The following CNOT6L variants were observed in gnomAD, a reference collection of about 807,000 sequenced individuals.
The protein encoded by CNOT6L is CCR4-NOT transcription complex subunit 6 like, also known as CCR4-NOT transcription complex subunit 6-like.
A neutral mutation model predicts 64.0 loss-of-function variants in CNOT6L; 7 were observed. The observed-to-expected ratio is 0.11, with a 90% CI of 0.06 to 0.21. The LOEUF (loss-of-function observed/expected upper bound fraction) is 0.21, where lower values mean the gene tolerates loss of function less well. Among genes scored for constraint, CNOT6L ranks in the 10% least tolerant of loss-of-function variants. The pLI is 1.00. For missense variants in CNOT6L, 245 were observed against 669.0 expected (o/e 0.37, Z 6.99); for synonymous variants, 193 against 243.4 (o/e 0.79, Z 1.93).
intron 7 of CNOT6L, among the ~76,000 whole-genome samples, chr4:77,744,304 T>G (rs1004651553): frequency 3.9e-5 from 6 of 151,944 alleles, no homozygotes; most frequent in African/African-American, 1.4e-4. Context: ...TAGTACAATA[T>G]ATTAAAATAT....
chr4:77,796,274 T>G (rs1730839045), intron 1 of CNOT6L, among the ~76,000 whole-genome samples: 1 of 152,164 alleles, frequency 6.6e-6, no homozygotes, highest in Non-Finnish European at 1.5e-5. Context: ...ATTGGAGGAT[T>G]TACACTATTG....
chr4:77,778,053 G>A (rs1488344687), intron 1 of CNOT6L, among the ~76,000 whole-genome samples: 1 of 152,116 alleles, frequency 6.6e-6, no homozygotes. Flanking sequence ...ATGCTAAACC[G>A]TATTTTATTT....
chr4:77,795,527 G>A (rs1335420494), intron 1 of CNOT6L, among the ~76,000 whole-genome samples: 1 of 152,120 alleles, frequency 6.6e-6, no homozygotes, highest in Non-Finnish European at 1.5e-5. Flanking sequence ...TCATGACAGA[G>A]TTCTTAAGAC....
At position 77,778,553 on chromosome 4, in the gene CNOT6L, G is replaced by A. The variant is rs553526698; in HGVS notation, c.6-2161C>T. ...CCTGAGTAGCTGAGGTTACGGGCGC[G>A]TGTCACCACGCCTGGCTAATGTTTG... is the stretch of plus-strand genomic sequence containing the variant. On this transcript the variant is annotated intron_variant, in intron 1 of 11. Transcript: ENST00000504123. Among the ~76,000 whole-genome samples the A allele has an allele frequency of 2.9e-4, 44 of 152,062 alleles. No individual in the cohort carries two copies. The South Asian group carries it at 2.9e-3, about 10-fold the overall frequency.
intron 1 of CNOT6L, 67 bp downstream of exon 1, chr4:77,819,237 T>C (rs372837916): frequency 1.3e-5 from 21 of 1,612,194 alleles, no homozygotes; most frequent in East Asian, 2.2e-5. Flanking sequence ...TCCCACCTCA[T>C]TTCCCCGGGG....
At chr4:77,774,819 G>T (rs184726564) in intron 2 of CNOT6L, 103 bp from the exon 3 acceptor site, 22 of 628,278 alleles carry the variant, frequency 3.5e-5, no homozygotes, top group Admixed American at 2.3e-4. Context: ...AATACACATG[G>T]ATATTGTATC....
intron 4 of CNOT6L, among the ~76,000 whole-genome samples, chr4:77,768,781 C>T (rs1434698956): frequency 7.6e-6 from 1 of 131,620 alleles, no homozygotes; most frequent in Non-Finnish European, 1.8e-5. Context: ...ACTGACAAAA[C>T]TTAAAAATCT....
intron 5 of CNOT6L, among the ~76,000 whole-genome samples, chr4:77,750,445 G>A (rs918124673): frequency 3.3e-5 from 5 of 151,902 alleles, no homozygotes; most frequent in African/African-American, 4.8e-5. Flanking sequence ...TCCGCCTCCC[G>A]GGTTCACGCC....
intron 4 of CNOT6L, among the ~76,000 whole-genome samples, chr4:77,759,285 G>T (rs1244617495): frequency 6.6e-6 from 1 of 151,768 alleles, no homozygotes; most frequent in Non-Finnish European, 1.5e-5. Flanking sequence ...ATGGGTTGTG[G>T]CTGGGCACGG....
chr4:77,725,105 T>C (rs1483732696), intron 11 of CNOT6L, among the ~76,000 whole-genome samples: 1 of 152,220 alleles, frequency 6.6e-6, no homozygotes, highest in East Asian at 1.9e-4. Context: ...CTGGATTGAA[T>C]TATCTTTTCT....
intron 4 of CNOT6L, among the ~76,000 whole-genome samples, chr4:77,768,843 G>A (rs1386396551): frequency 6.6e-6 from 1 of 152,020 alleles, no homozygotes; most frequent in Non-Finnish European, 1.5e-5. Flanking sequence ...GTATTATTTT[G>A]AGTAGAATCT....
intron 1 of CNOT6L, among the ~76,000 whole-genome samples, chr4:77,793,450 T>C (rs1283473251): frequency 6.6e-6 from 1 of 152,116 alleles, no homozygotes; most frequent in African/African-American, 2.4e-5. Context: ...TATTTTAGAG[T>C]GGCATAAGCG....
intron 4 of CNOT6L, among the ~76,000 whole-genome samples, chr4:77,767,111 C>CA (rs1252645872): frequency 0.012 from 480 of 38,616 alleles, no homozygotes; most frequent in Non-Finnish European, 0.016. Flanking sequence ...TTGTGGTTTA[C>CA]AATAAAAAAA....
intron 8 of CNOT6L, among the ~76,000 whole-genome samples, chr4:77,734,714 ATTTAATT>A (rs1225150343): frequency 1.3e-5 from 2 of 151,992 alleles, no homozygotes; most frequent in East Asian, 1.9e-4. Context: ...ACTTCATTCT[ATTTAATT>A]TTTAATTTTT....
intron 8 of CNOT6L, among the ~76,000 whole-genome samples, chr4:77,739,124 T>C (rs527284533): frequency 1.1e-4 from 17 of 152,348 alleles, no homozygotes; most frequent in African/African-American, 3.8e-4. Flanking sequence ...TAAACAATAC[T>C]CTATCCTTTC....
chr4:77,743,506 ACT>A (rs2109946723), intron 7 of CNOT6L, among the ~76,000 whole-genome samples: 2 of 149,934 alleles, frequency 1.3e-5, no homozygotes, highest in South Asian at 4.2e-4. Context: ...TTATCAAGCT[ACT>A]CTGTTACATA....
chr4:77,801,692 G>C (rs1731584918), intron 1 of CNOT6L, among the ~76,000 whole-genome samples: 1 of 137,210 alleles, frequency 7.3e-6, no homozygotes, highest in African/African-American at 2.7e-5. Context: ...ATAAAAATTG[G>C]GGGGGGGGGA....
rs1560567808 is a variant in CNOT6L, at chr4:77,719,103, A to ATAAT, written c.*1324_*1327dup. Reference sequence around the variant, plus strand: ...CACAACCTTTTCCTGTTACTGTGCCATAATTAACATCAAGTAGCCAACCAA... The same window carrying ATAAT: ...CACAACCTTTTCCTGTTACTGTGCCATAATTAATTAACATCAAGTAGCCAACCAA... On this transcript the variant is annotated 3_prime_UTR_variant, in exon 12 of 12. Transcript: ENST00000504123. The ATAAT allele has an allele frequency of 1.3e-5, 2 of 152,628 alleles. No individual in the cohort carries two copies. Among genetic ancestry groups the ATAAT allele is most frequent in the Non-Finnish European group, 2.9e-5 (2 of 68,032 alleles). 9.5% of individuals were successfully genotyped at this position (152,628 alleles called of 1,614,324 possible).
intron 5 of CNOT6L, among the ~76,000 whole-genome samples, chr4:77,755,483 G>A (rs1458059427): frequency 1.3e-5 from 2 of 151,842 alleles, no homozygotes; most frequent in African/African-American, 2.4e-5. Context: ...CAAAGTGCTG[G>A]GATTACAGGC....
Sources: allele counts gnomAD v4.1 joint callset (sites outside exome capture counted in the v4.1 genomes callset), GRCh38; gene constraint gnomAD v4.1.1; transcripts MANE v1.5; gene names NCBI Gene and HGNC (gene_info 2026-07-23, HGNC 2026-07-21).